Variants in DOCK3 observed in about 807,000 individuals in gnomAD.
DOCK3 encodes dedicator of cytokinesis 3.
DOCK3 carries 60 observed loss-of-function variants against 265.6 expected under a neutral mutation model. That is an observed-to-expected ratio of 0.23 (90% confidence interval 0.18 to 0.28). The LOEUF (loss-of-function observed/expected upper bound fraction) is 0.28. Among genes scored for constraint, DOCK3 ranks in the 10% least tolerant of loss-of-function variants. The probability of loss-of-function intolerance (pLI) is 1.00; values close to 1 mark genes in which losing one functional copy is unlikely to be tolerated. For synonymous variants in DOCK3, 881 were observed against 938.0 expected (o/e 0.94, Z 1.11); for missense variants, 1,981 against 2,594.3 (o/e 0.76, Z 5.14).
rs73837435 is a variant in DOCK3, at chr3:51,359,209, G to T, written c.4884+1132G>T. 0.037 allele frequency among the ~76,000 whole-genome samples: 5,632 copies of T among 152,336 alleles called. 181 individuals carry two copies. The highest frequency in any genetic ancestry group is 0.087 in the African/African-American group (3,619 of 41,560). The stretch of plus-strand genomic sequence containing the variant: ...CTGACCCATTTGGGGCGGACCTGCT[G>T]TGTTCTTGGATGCTGCAGGTTCTGG... On this transcript the variant is annotated intron_variant, in intron 46 of 52. Coordinates refer to ENST00000266037, the MANE Select transcript of DOCK3 (RefSeq NM_004947.5). This position sits in a 1 kb window ranked among gnomAD's most constrained non-coding sequence, Gnocchi z 4.8.
intron 2 of DOCK3, among the ~76,000 whole-genome samples, chr3:50,799,110 T>G (rs1475820750): frequency 6.6e-5 from 10 of 152,210 alleles, no homozygotes; most frequent in African/African-American, 2.4e-4. Flanking sequence ...TATCATGCTG[T>G]TTTGGTTACT....
rs1260233638 is a variant in DOCK3 at position 51,374,740 on chromosome 3, G to A, written c.5412+153G>A. On this transcript the variant is annotated intron_variant, in intron 50 of 52. Transcript: ENST00000266037. The surrounding 1 kb of genome is among the most constrained non-coding windows in gnomAD (Gnocchi z 4.8). ...AGGCCGCTGGGCTTCTGGATGTGGA[G>A]TGCAGTGAACCTGAGGACCAGCAAT... Among the ~76,000 whole-genome samples the A allele has an allele frequency of 6.6e-6, 1 of 152,232 alleles. No homozygotes were observed. The highest frequency in any genetic ancestry group is 1.5e-5 in the Non-Finnish European group (1 of 68,038).
At chr3:50,986,921 G>A (rs1245055855) in intron 5 of DOCK3, among the ~76,000 whole-genome samples, 2 of 152,212 alleles carry the variant, frequency 1.3e-5, no homozygotes, top group Non-Finnish European at 2.9e-5. Flanking sequence ...TGATCTTAAG[G>A]TGCTGGAGCC....
chr3:51,131,506 C>A (rs897481701), intron 9 of DOCK3, among the ~76,000 whole-genome samples: 1 of 152,158 alleles, frequency 6.6e-6, no homozygotes, highest in South Asian at 2.1e-4. Context: ...GGTTCTAGAT[C>A]TGTAAACTGG....
intron 5 of DOCK3, among the ~76,000 whole-genome samples, chr3:51,011,238 C>A (rs1473887687): frequency 6.6e-6 from 1 of 152,148 alleles, no homozygotes; most frequent in Admixed American, 6.5e-5. Flanking sequence ...TCCGTTCTCC[C>A]CGTCACTTTC....
chr3:51,072,819 C>G (rs2081926198), intron 6 of DOCK3, among the ~76,000 whole-genome samples: 1 of 152,088 alleles, frequency 6.6e-6, no homozygotes, highest in South Asian at 2.1e-4. Flanking sequence ...ATCCTCCTGC[C>G]TCAGCCTCCT....
At chr3:51,260,849 T>C (rs1278332447) in intron 23 of DOCK3, among the ~76,000 whole-genome samples, 1 of 151,970 alleles carries the variant, frequency 6.6e-6, no homozygotes, top group Non-Finnish European at 1.5e-5. Context: ...CTGGGTGTGC[T>C]AGCATGCACC....
chr3:50,865,265 C>T (rs1237348985), intron 3 of DOCK3, among the ~76,000 whole-genome samples: 2 of 152,152 alleles, frequency 1.3e-5, no homozygotes, highest in Non-Finnish European at 2.9e-5. Context: ...TTTGTTTATA[C>T]ACATTAACCA....
chr3:51,205,573 G>T (rs1157972830), intron 12 of DOCK3, among the ~76,000 whole-genome samples: 2 of 151,844 alleles, frequency 1.3e-5, no homozygotes, highest in African/African-American at 4.8e-5. Flanking sequence ...ATGGTGGTGT[G>T]TGCCTGTGGT....
At chr3:50,795,031 T>C (rs79291230) in intron 2 of DOCK3, among the ~76,000 whole-genome samples, 2,897 of 151,084 alleles carry the variant, frequency 0.019, 101 homozygotes, top group African/African-American at 0.066. Flanking sequence ...GAATCTCTCT[T>C]TTTTTTTTAA....
intron 32 of DOCK3, among the ~76,000 whole-genome samples, chr3:51,316,030 G>T (rs755539861): frequency 6.6e-6 from 1 of 152,164 alleles, no homozygotes; most frequent in Non-Finnish European, 1.5e-5. Flanking sequence ...AGAGTAAAAT[G>T]TATTCTTCTT....
chr3:50,737,484 G>A (rs1335090174), intron 1 of DOCK3, among the ~76,000 whole-genome samples: 2 of 152,134 alleles, frequency 1.3e-5, no homozygotes, highest in East Asian at 3.9e-4. Context: ...CTCCAACATT[G>A]GGGATATAAT....
At chr3:50,716,324 G>A (rs562031749) in intron 1 of DOCK3, among the ~76,000 whole-genome samples, 10 of 152,082 alleles carry the variant, frequency 6.6e-5, no homozygotes, top group East Asian at 5.8e-4. Context: ...TCAGGAGATC[G>A]AGACCATCCT....
chr3:50,686,184 T>C (rs2034784307), intron 1 of DOCK3, among the ~76,000 whole-genome samples: 1 of 151,090 alleles, frequency 6.6e-6, no homozygotes, highest in South Asian at 2.1e-4. Context: ...CATCTGGGGG[T>C]GACGGAAGGC....
intron 27 of DOCK3, among the ~76,000 whole-genome samples, chr3:51,282,653 C>CAAAAA (rs1198884358): frequency 2.5e-5 from 2 of 81,386 alleles, no homozygotes; most frequent in African/African-American, 4.6e-5. Flanking sequence ...AACTCTGTCT[C>CAAAAA]AAAAAAAAAA....
At chr3:51,335,694 T>G (rs1390444610) in intron 35 of DOCK3, among the ~76,000 whole-genome samples, 1 of 152,160 alleles carries the variant, frequency 6.6e-6, no homozygotes, top group Non-Finnish European at 1.5e-5. Flanking sequence ...AAGAACTTAC[T>G]AAGAAAAGAG....
At chr3:51,311,547 A>G (rs1232038118) in intron 28 of DOCK3, among the ~76,000 whole-genome samples, 2 of 152,256 alleles carry the variant, frequency 1.3e-5, no homozygotes, top group Admixed American at 6.5e-5. Context: ...TATTAACTAT[A>G]TAAACCCCTG....
intron 3 of DOCK3, 116 bp from the exon 4 acceptor site, chr3:50,889,910 G>C: frequency 2.7e-6 from 2 of 745,444 alleles, no homozygotes; most frequent in Non-Finnish European, 3.9e-6. Context: ...CAAAGTGGTT[G>C]CTGTAGCAGG....
chr3:50,743,442 G>C, intron 1 of DOCK3, among the ~76,000 whole-genome samples: 1 of 148,324 alleles, frequency 6.7e-6, no homozygotes, highest in Non-Finnish European at 1.5e-5. Flanking sequence ...CTGTATTCAG[G>C]AAACCCATCT....
Sources: allele counts gnomAD v4.1 joint callset (sites outside exome capture counted in the v4.1 genomes callset), GRCh38; gene constraint gnomAD v4.1.1; non-coding constraint Gnocchi (gnomAD v3.1); transcripts MANE v1.5; gene names NCBI Gene and HGNC (gene_info 2026-07-23, HGNC 2026-07-21).